Variants in SEMA3A observed in about 807,000 individuals in gnomAD.
The protein encoded by SEMA3A is semaphorin-3A.
In SEMA3A, 29 loss-of-function variants were observed where a neutral mutation model predicts 97.9. The ratio of observed to expected loss-of-function variants is 0.30; its 90% CI spans 0.22 to 0.40. The LOEUF (loss-of-function observed/expected upper bound fraction) is 0.40, where lower values mean the gene tolerates loss of function less well. SEMA3A is among the 10% of genes least tolerant of loss of function. The pLI is 1.00. For synonymous variants in SEMA3A, 321 were observed against 323.7 expected, an observed-to-expected ratio of 0.99 and a Z score of 0.09; for missense variants, 763 against 951.3, an observed-to-expected ratio of 0.80 and a Z score of 2.60.
chr7:84,308,532 T>C (rs1219547375), intron 2 of SEMA3A, among the ~76,000 whole-genome samples: 2 of 152,116 alleles, frequency 1.3e-5, no homozygotes, highest in African/African-American at 4.8e-5. Flanking sequence ...TCTGGGTGGA[T>C]ATTGGAATTG....
At chr7:84,223,753 A>G (rs540516583) in intron 3 of SEMA3A, among the ~76,000 whole-genome samples, 1 of 151,996 alleles carries the variant, frequency 6.6e-6, no homozygotes, top group East Asian at 1.9e-4. Flanking sequence ...TGACATGTAG[A>G]GAATTCCAGA....
chr7:84,093,053 G>A (rs1298319699), intron 4 of SEMA3A, among the ~76,000 whole-genome samples: 1 of 151,922 alleles, frequency 6.6e-6, no homozygotes, highest in Non-Finnish European at 1.5e-5. Context: ...AAAATGACTC[G>A]TATTGAAATA....
chr7:84,187,782 A>T (rs1451277006), intron 1 of SEMA3A, among the ~76,000 whole-genome samples: 1 of 152,144 alleles, frequency 6.6e-6, no homozygotes, highest in Admixed American at 6.6e-5. Context: ...AATTTTTAAA[A>T]GGTGTGCCAA....
intron 1 of SEMA3A, among the ~76,000 whole-genome samples, chr7:84,382,983 G>A (rs756777512): frequency 1.1e-4 from 17 of 152,064 alleles, no homozygotes; most frequent in Non-Finnish European, 2.1e-4. Flanking sequence ...CATAATACTG[G>A]ATTTTTTCCC....
Position 84,249,552 on chromosome 7 carries a change from T to G in SEMA3A, c.-82-54884A>C, listed in dbSNP as rs756834933. Among the ~76,000 whole-genome samples the G allele has an allele frequency of 5.3e-5, 8 of 152,084 alleles. 1 individual carries two copies. Among genetic ancestry groups the G allele is most frequent in the Non-Finnish European group, 1.0e-4 (7 of 67,996 alleles). On this transcript the variant is annotated intron_variant, in intron 3 of 3. Transcript: ENST00000424555. The stretch of plus-strand genomic sequence containing the variant: ...TATTTTTCATATACACAAGTTTCAG[T>G]AAATAATATATCAACTATTGTTTAT...
intron 4 of SEMA3A, among the ~76,000 whole-genome samples, chr7:84,094,340 T>G (rs1386886432): frequency 6.6e-6 from 1 of 152,016 alleles, no homozygotes; most frequent in Non-Finnish European, 1.5e-5. Context: ...CTTTTTTTTT[T>G]TCCCATGTTA....
rs71076099 is a variant in SEMA3A, at chr7:84,044,176, GT to G, written c.667+2147del. Among the ~76,000 whole-genome samples, 371 of 151,184 alleles carry G rather than the reference GT, an allele frequency of 2.5e-3. 4 individuals are homozygous for G. The highest frequency in any genetic ancestry group is 8.5e-3 in the African/African-American group (352 of 41,268). On this transcript the variant is annotated intron_variant, in intron 6 of 16. Transcript: ENST00000265362. ...CAAACCAGATAGAAATGTTAAGAGA[GT>G]TTTTTTTTCCTACTAATTTTGCCTC...
At chr7:84,302,463 CAG>C (rs951424055) in intron 3 of SEMA3A, among the ~76,000 whole-genome samples, 12 of 152,078 alleles carry the variant, frequency 7.9e-5, no homozygotes, top group Non-Finnish European at 2.9e-5. Context: ...ACTTTTTATG[CAG>C]AGTGTTTTGC....
At chr7:84,073,881 G>T (rs1406353727) in intron 4 of SEMA3A, among the ~76,000 whole-genome samples, 1 of 120,616 alleles carries the variant, frequency 8.3e-6, no homozygotes, top group African/African-American at 3.6e-5. Flanking sequence ...AAAAAAAAAA[G>T]CTAAAAAAAT....
At chr7:84,360,393 G>A (rs561683144) in intron 2 of SEMA3A, among the ~76,000 whole-genome samples, 26 of 152,030 alleles carry the variant, frequency 1.7e-4, no homozygotes, top group South Asian at 1.0e-3. Flanking sequence ...CCTTCATTTC[G>A]TTATGTACCC....
chr7:84,185,472 G>C (rs1025340264), intron 1 of SEMA3A, among the ~76,000 whole-genome samples: 1 of 151,600 alleles, frequency 6.6e-6, no homozygotes, highest in Non-Finnish European at 1.5e-5. Flanking sequence ...AGGAGTTCGA[G>C]ACCAGCCTGG....
At chr7:84,488,315 TATACACACACACAC>T (rs1806634011) in intron 1 of SEMA3A, among the ~76,000 whole-genome samples, 7 of 94,210 alleles carry the variant, frequency 7.4e-5, no homozygotes, top group East Asian at 6.6e-4. Context: ...TTTCTTCGTA[TATACACACACACAC>T]ACACACACAC....
chr7:84,060,842 G>C (rs1345438120), intron 4 of SEMA3A, among the ~76,000 whole-genome samples: 1 of 152,170 alleles, frequency 6.6e-6, no homozygotes, highest in Non-Finnish European at 1.5e-5. Context: ...GGTAAGAGGA[G>C]AGTGATTATT....
chr7:84,329,867 C>A (rs1247980182), intron 2 of SEMA3A, among the ~76,000 whole-genome samples: 2 of 151,948 alleles, frequency 1.3e-5, no homozygotes, highest in South Asian at 4.2e-4. Context: ...TCTCTCTGGC[C>A]TTGAAATAAA....
chr7:84,167,073 T>G (rs999189985), intron 1 of SEMA3A, among the ~76,000 whole-genome samples: 1 of 46,632 alleles, frequency 2.1e-5, no homozygotes, highest in African/African-American at 5.4e-5. Flanking sequence ...TCCTACAAGA[T>G]GTAGGACTGA....
At chr7:84,375,701 A>T (rs73189062) in intron 1 of SEMA3A, among the ~76,000 whole-genome samples, 1,618 of 152,288 alleles carry the variant, frequency 0.011, 28 homozygotes, top group South Asian at 0.043. Context: ...AATATTCAAA[A>T]TTCTATCTTC....
chr7:84,260,718 A>G (rs567023694), intron 3 of SEMA3A, among the ~76,000 whole-genome samples: 2 of 152,270 alleles, frequency 1.3e-5, no homozygotes, highest in South Asian at 4.1e-4. Context: ...GAGCATGGGA[A>G]GGAGGCCAAG....
intron 1 of SEMA3A, among the ~76,000 whole-genome samples, chr7:84,176,437 C>A (rs1189729544): frequency 3.3e-5 from 5 of 152,050 alleles, no homozygotes; most frequent in Admixed American, 6.5e-5. Context: ...GGATGTAAAA[C>A]CTATCAGAAA....
intron 3 of SEMA3A, among the ~76,000 whole-genome samples, chr7:84,118,708 G>T (rs2115974417): frequency 6.6e-6 from 1 of 152,300 alleles, no homozygotes; most frequent in Non-Finnish European, 1.5e-5. Context: ...CTTAGTTTGT[G>T]ATTGTGGGTC....
Sources: allele counts gnomAD v4.1 joint callset (sites outside exome capture counted in the v4.1 genomes callset), GRCh38; gene constraint gnomAD v4.1.1; transcripts MANE v1.5; gene names NCBI Gene and HGNC (gene_info 2026-07-23, HGNC 2026-07-21).